Variants in CDH23 observed in about 807,000 individuals in gnomAD.
CDH23 encodes the protein cadherin-23.
CDH23 carries 189 observed loss-of-function variants against 317.1 expected under a neutral mutation model. That is an observed-to-expected ratio of 0.60 (90% CI 0.53 to 0.67). CDH23 has a LOEUF of 0.67. CDH23 is among the 30% of genes least tolerant of loss of function. The probability of loss-of-function intolerance (pLI) is 0.00; values close to 1 mark genes in which losing one functional copy is unlikely to be tolerated. For missense variants in CDH23, 4,401 were observed against 4,592.4 expected (o/e 0.96, Z 1.20); for synonymous variants, 1,839 against 1,876.8 (o/e 0.98, Z 0.52).
At chr10:71,654,017 G>C (rs1163920088) in intron 14 of CDH23, among the ~76,000 whole-genome samples, 1 of 152,166 alleles carries the variant, frequency 6.6e-6, no homozygotes, top group East Asian at 1.9e-4. Context: ...TGGTGCGTTG[G>C]TTGAGTTTTT....
intron 30 of CDH23, among the ~76,000 whole-genome samples, chr10:71,728,949 G>A (rs114831534): frequency 4.0e-5 from 6 of 151,752 alleles, no homozygotes; most frequent in South Asian, 2.1e-4. Flanking sequence ...TCTTGCCTCC[G>A]CCTCCCTAGT....
At chr10:71,592,629 C>G (rs1157174578) in intron 9 of CDH23, among the ~76,000 whole-genome samples, 1 of 152,118 alleles carries the variant, frequency 6.6e-6, no homozygotes, top group Non-Finnish European at 1.5e-5. Flanking sequence ...TAATGAGGAC[C>G]CTTGTGATTA....
chr10:71,661,566 G>A (rs1863651732), intron 14 of CDH23, among the ~76,000 whole-genome samples: 1 of 152,102 alleles, frequency 6.6e-6, no homozygotes, highest in African/African-American at 2.4e-5. Flanking sequence ...AATGAGATAG[G>A]CGGCTCTTCT....
At chr10:71,571,261 C>T (rs1313840154) in intron 8 of CDH23, among the ~76,000 whole-genome samples, 4 of 152,182 alleles carry the variant, frequency 2.6e-5, no homozygotes, top group Non-Finnish European at 4.4e-5. Context: ...TCTGGCTCCA[C>T]AGAACATCAG....
chr10:71,593,702 C>T (rs35006045), intron 9 of CDH23, among the ~76,000 whole-genome samples: 41,786 of 152,102 alleles, frequency 0.27, 6,972 homozygotes, highest in African/African-American at 0.47. Flanking sequence ...ATGCTGAAAC[C>T]GACTAAAAAT....
chr10:71,788,668 G>C (rs533291793), intron 44 of CDH23, among the ~76,000 whole-genome samples: 147 of 152,014 alleles, frequency 9.7e-4, no homozygotes, highest in Non-Finnish European at 1.9e-3. Context: ...TGTTAGCCAG[G>C]ATGGTCTCGA....
chr10:71,403,340 TTTC>T (rs1847885322), intron 1 of CDH23, among the ~76,000 whole-genome samples: 2 of 53,262 alleles, frequency 3.8e-5, no homozygotes, highest in African/African-American at 2.2e-4. Flanking sequence ...TCTTTCTTTC[TTTC>T]TTTCTTTCTT....
At chr10:71,519,246 T>C (rs1212484425) in intron 6 of CDH23, among the ~76,000 whole-genome samples, 1 of 152,182 alleles carries the variant, frequency 6.6e-6, no homozygotes, top group Non-Finnish European at 1.5e-5. Context: ...CCCCTGCCCT[T>C]TAAATAAAGA....
At chr10:71,574,349 G>T (rs1031543304) in intron 8 of CDH23, among the ~76,000 whole-genome samples, 1 of 152,186 alleles carries the variant, frequency 6.6e-6, no homozygotes, top group Non-Finnish European at 1.5e-5. Flanking sequence ...CGGCCTGCCC[G>T]TCAGTGAAGG....
chr10:71,812,601 C>G lies in CDH23; in HGVS notation c.9502C>G (p.Arg3168Gly). The G allele has an allele frequency of 6.2e-7, 1 of 1,613,942 alleles. No homozygotes were observed. Among genetic ancestry groups the G allele is most frequent in the Non-Finnish European group, 8.5e-7 (1 of 1,179,902 alleles). ...CGCCGACCTGTGGAACAGCCCCACG[C>G]GCACCCATGTGAGCCAGAGGCGGTC... ...EIADLWNSPTRTHGTFGREPA... is the reference protein window; with the variant it reads ...EIADLWNSPTGTHGTFGREPA... Residue 3168 changes from arginine to glycine, a missense_variant, in exon 67 of 70, where the codon CGC becomes GGC. Transcript: ENST00000224721.
At chr10:71,506,610 A>G (rs115524644) in intron 3 of CDH23, among the ~76,000 whole-genome samples, 2,498 of 152,092 alleles carry the variant, frequency 0.016, 58 homozygotes, top group African/African-American at 0.053. Context: ...TAGCACAACC[A>G]TAGGTTGCTG....
intron 15 of CDH23, among the ~76,000 whole-genome samples, chr10:71,677,116 T>C (rs760963608): frequency 3.3e-5 from 5 of 152,170 alleles, no homozygotes; most frequent in Non-Finnish European, 7.4e-5. Context: ...CGATCTGGGT[T>C]GGCACACGTT....
At chr10:71,403,232 G>C (rs1266914232) in intron 1 of CDH23, among the ~76,000 whole-genome samples, 2 of 152,120 alleles carry the variant, frequency 1.3e-5, no homozygotes, top group Non-Finnish European at 2.9e-5. Flanking sequence ...TTGTGTCCAT[G>C]TTCCCAATCA....
At chr10:71,728,153 A>G (rs1254216335) in intron 30 of CDH23, among the ~76,000 whole-genome samples, 2 of 152,148 alleles carry the variant, frequency 1.3e-5, no homozygotes, top group Non-Finnish European at 2.9e-5. Context: ...GTTTCTGTTT[A>G]CCGAAAAAGA....
rs183220886 is a variant in CDH23, at chr10:71,704,922, C to A, written c.2745C>A (p.Ile915=). The A allele has an allele frequency of 6.2e-7, 1 of 1,612,368 alleles. No homozygotes were observed. Among genetic ancestry groups the A allele is most frequent in the Non-Finnish European group, 8.5e-7 (1 of 1,179,360 alleles). The change falls in exon 25 of 70, where the codon ATC becomes ATA. Residue 915 remains isoleucine, a synonymous_variant. Transcript: ENST00000224721. ...CTCCTTGCCCTCAGGTGGTGGCCAT[C>A]GACCTCGATGAGGGCCTGAACGGCC... is the stretch of plus-strand genomic sequence containing the variant. ...AGVSIYQVVA[I]DLDEGLNGLV... is the part of the protein sequence containing the mutation.
intron 38 of CDH23, among the ~76,000 whole-genome samples, chr10:71,768,271 A>G (rs1840603144): frequency 6.6e-6 from 1 of 152,076 alleles, no homozygotes; most frequent in Non-Finnish European, 1.5e-5. Context: ...CCCAGGTTGA[A>G]GCAACTCTCC....
intron 3 of CDH23, among the ~76,000 whole-genome samples, chr10:71,481,328 T>C (rs1029706064): frequency 6.6e-6 from 1 of 152,176 alleles, no homozygotes; most frequent in Admixed American, 6.5e-5. Flanking sequence ...AGGCATTAAC[T>C]GGGCCTTCCC....
At chr10:71,437,349 G>A (rs1261614838) in intron 1 of CDH23, among the ~76,000 whole-genome samples, 1 of 152,166 alleles carries the variant, frequency 6.6e-6, no homozygotes, top group East Asian at 1.9e-4. Context: ...ATTGCTTTTG[G>A]GGGCAGGAAC....
In CDH23 at chr10:71,578,091, G is replaced by T. The variant is rs1004972323; in HGVS notation, c.832+99G>T. 4.9e-6 allele frequency: 6 copies of T among 1,217,304 alleles called. No individual in the cohort carries two copies. The African/African-American group carries it at 7.5e-5, about 15-fold the overall frequency. 75.4% of individuals were successfully genotyped at this position (1,217,304 alleles called of 1,614,324 possible). A position where few individuals can be genotyped will look rare whatever the true frequency, so the allele number is the denominator to read the frequency against. On this transcript the variant is annotated intron_variant, in intron 9 of 69. Transcript: ENST00000224721. ...GGCTCTGAGGGCTAAGGAGAGGTCT[G>T]CGGGCATGTGGGACAGGGTAGGAGA...
Sources: allele counts gnomAD v4.1 joint callset (sites outside exome capture counted in the v4.1 genomes callset), GRCh38; gene constraint gnomAD v4.1.1; transcripts MANE v1.5; gene names NCBI Gene and HGNC (gene_info 2026-07-23, HGNC 2026-07-21).